Variants in DPP10 observed in about 807,000 individuals in gnomAD.
DPP10 encodes dipeptidyl peptidase like 10, also known as inactive dipeptidyl peptidase 10.
A neutral mutation model predicts 120.9 loss-of-function variants in DPP10; 33 were observed. The ratio of observed to expected loss-of-function variants is 0.27; its 90% CI spans 0.21 to 0.37. The LOEUF (loss-of-function observed/expected upper bound fraction) is 0.37, where lower values mean the gene tolerates loss of function less well. DPP10 is among the 10% of genes least tolerant of loss of function. The probability of loss-of-function intolerance (pLI) is 1.00; values close to 1 mark genes in which losing one functional copy is unlikely to be tolerated. For missense variants in DPP10, 816 were observed against 942.8 expected (o/e 0.87, Z 1.76); for synonymous variants, 337 against 326.1 (o/e 1.03, Z -0.36).
At chr2:114,885,867 A>G (rs757925406) in intron 1 of DPP10, among the ~76,000 whole-genome samples, 122 of 152,212 alleles carry the variant, frequency 8.0e-4, no homozygotes, top group Non-Finnish European at 2.9e-4. Flanking sequence ...CAAGCAAATT[A>G]TTTTAACATT....
intron 16 of DPP10, among the ~76,000 whole-genome samples, chr2:115,781,894 T>C (rs553090543): frequency 6.6e-6 from 1 of 152,196 alleles, no homozygotes; most frequent in African/African-American, 2.4e-5. Flanking sequence ...TAATATATAG[T>C]TACCACCCAA....
rs201098552 is a variant in DPP10 at position 115,028,005 on chromosome 2, A to C, written c.61-281234A>C. ...TAATTGGGTCTACTCTTTTAATCTTAGTATAGTTATAGGTTTGTTGATTTT... is the reference window on the plus strand; with the variant it reads ...TAATTGGGTCTACTCTTTTAATCTTCGTATAGTTATAGGTTTGTTGATTTT... On this transcript the variant is annotated intron_variant, in intron 1 of 25. Transcript: ENST00000410059. Among the ~76,000 whole-genome samples, 15 of 152,004 alleles carry C rather than the reference A, an allele frequency of 9.9e-5. No individual in the cohort carries two copies. In the East Asian group the frequency reaches 2.5e-3, roughly 25 times the overall value.
rs372425507 is a variant in DPP10, at chr2:115,380,151, G to T, written c.271+36239G>T. On this transcript the variant is annotated intron_variant, in intron 3 of 25. Transcript: ENST00000410059. ...TGATCTGTCTAATGTTGACAGTGGG[G>T]TGTTAAAGTCTCTCATTATTAATGT... is the stretch of plus-strand genomic sequence containing the variant. Among the ~76,000 whole-genome samples, 27 of 152,210 alleles carry T rather than the reference G, an allele frequency of 1.8e-4. No individual in the cohort carries two copies. The East Asian group carries it at 3.7e-3, about 21-fold the overall frequency.
At chr2:115,568,553 C>CTT (rs11404230) in intron 5 of DPP10, among the ~76,000 whole-genome samples, 8,080 of 147,688 alleles carry the variant, frequency 0.055, 274 homozygotes, top group African/African-American at 0.088. Context: ...TGAGGTTGAT[C>CTT]TTTTTTTTTT....
intron 5 of DPP10, among the ~76,000 whole-genome samples, chr2:115,682,246 T>C (rs965701730): frequency 6.6e-6 from 1 of 151,966 alleles, no homozygotes; most frequent in African/African-American, 2.4e-5. Context: ...TTTCAAATGA[T>C]GATAAGTAGA....
intron 1 of DPP10, among the ~76,000 whole-genome samples, chr2:115,073,223 C>A (rs1299256460): frequency 1.3e-5 from 2 of 152,334 alleles, no homozygotes; most frequent in East Asian, 3.9e-4. Flanking sequence ...CAAAAGAATA[C>A]ATTCCGAAGA....
At chr2:115,377,667 A>G (rs1196537259) in intron 3 of DPP10, among the ~76,000 whole-genome samples, 1 of 152,124 alleles carries the variant, frequency 6.6e-6, no homozygotes, top group Non-Finnish European at 1.5e-5. Context: ...GTTTTCTTCT[A>G]GGGTTTTTAT....
At position 114,476,342 on chromosome 2, in the gene DPP10, A is replaced by G. The variant is rs115138835; in HGVS notation, c.60+33504A>G. Among the ~76,000 whole-genome samples the G allele has an allele frequency of 9.1e-3, 1,393 of 152,318 alleles. 15 individuals are homozygous for G. The highest frequency in any genetic ancestry group is 0.032 in the African/African-American group (1,312 of 41,574). On this transcript the variant is annotated intron_variant, in intron 1 of 25. Transcript: ENST00000410059. ...TATGACAATACTCTGTGATATCCCT[A>G]TCTTCAAGTACAAAGTAGGCAAGGA... is the stretch of plus-strand genomic sequence containing the variant.
intron 1 of DPP10, chr2:115,050,128 G>C (rs1460666626): frequency 2.0e-5 from 3 of 152,068 alleles, no homozygotes; most frequent in Non-Finnish European, 4.4e-5. Flanking sequence ...CAAAAATCTT[G>C]TCTAATTTGA....
At position 114,780,907 on chromosome 2, in the gene DPP10, T is replaced by C. The variant is rs1344738304; in HGVS notation, c.60+338069T>C. Among the ~76,000 whole-genome samples, 5 of 152,260 alleles carry C rather than the reference T, an allele frequency of 3.3e-5. No individual in the cohort carries two copies. The East Asian group carries it at 9.6e-4, about 29-fold the overall frequency. On this transcript the variant is annotated intron_variant, in intron 1 of 25. Transcript: ENST00000410059. ...CAATCTGATTGGGAAGATTATTCTATTGAATATCATTTGTCAGTTACTGTG... is the reference window on the plus strand; with the variant it reads ...CAATCTGATTGGGAAGATTATTCTACTGAATATCATTTGTCAGTTACTGTG...
intron 1 of DPP10, among the ~76,000 whole-genome samples, chr2:115,286,526 A>ATATATATATATATATATATATATATT: frequency 1.6e-5 from 1 of 60,954 alleles, no homozygotes; most frequent in Non-Finnish European, 3.3e-5. Flanking sequence ...ATATATATAT[A>ATATATATATATATATATATATATATT]ATATATATAT....
intron 1 of DPP10, among the ~76,000 whole-genome samples, chr2:114,556,938 A>C: frequency 6.6e-6 from 1 of 151,794 alleles, no homozygotes; most frequent in East Asian, 1.9e-4. Flanking sequence ...GACCAAAACC[A>C]ACTGGAGTGG....
chr2:115,119,298 A>T (rs1282856057), intron 1 of DPP10, among the ~76,000 whole-genome samples: 2 of 152,154 alleles, frequency 1.3e-5, no homozygotes, highest in African/African-American at 4.8e-5. Flanking sequence ...GCCTGAACCC[A>T]CTTGCTCAAG....
At chr2:114,572,288 A>G (rs897024181) in intron 1 of DPP10, among the ~76,000 whole-genome samples, 3 of 152,198 alleles carry the variant, frequency 2.0e-5, no homozygotes, top group Non-Finnish European at 4.4e-5. Flanking sequence ...TATAGAATGT[A>G]AGGTGTTACC....
chr2:115,158,728 G>A (rs75467559), intron 1 of DPP10, among the ~76,000 whole-genome samples: 8,479 of 152,216 alleles, frequency 0.056, 353 homozygotes, highest in East Asian at 0.24. Context: ...TAAAATGTAT[G>A]CTTGTCCATG....
At chr2:115,227,766 G>A (rs1337752678) in intron 1 of DPP10, among the ~76,000 whole-genome samples, 1 of 152,084 alleles carries the variant, frequency 6.6e-6, no homozygotes, top group Non-Finnish European at 1.5e-5. Context: ...TTTTAATGCA[G>A]AATAGTATCC....
rs572360154 is a variant in DPP10 at position 114,977,221 on chromosome 2, G to A, written c.61-332018G>A. On this transcript the variant is annotated intron_variant, in intron 1 of 25. Coordinates refer to ENST00000410059, the MANE Select transcript of DPP10 (RefSeq NM_020868.6). ...TCTGTTGTTTTATATTTTGTGTGTT[G>A]TGATCCTCTCAACACACACCCTACC... is the stretch of plus-strand genomic sequence containing the variant. Among the ~76,000 whole-genome samples the A allele has an allele frequency of 5.3e-5, 8 of 151,902 alleles. No homozygotes were observed. The South Asian group carries it at 1.7e-3, about 32-fold the overall frequency.
intron 8 of DPP10, among the ~76,000 whole-genome samples, chr2:115,731,740 A>T (rs1301815449): frequency 1.3e-5 from 2 of 152,104 alleles, no homozygotes; most frequent in Non-Finnish European, 2.9e-5. Context: ...AAATTGTCAG[A>T]CTTCAGTGAT....
chr2:115,538,356 G>A (rs1000463291), intron 5 of DPP10, among the ~76,000 whole-genome samples: 10 of 151,902 alleles, frequency 6.6e-5, no homozygotes, highest in African/African-American at 2.4e-4. Context: ...TCCATGGATC[G>A]ATCAGAAACC....
Sources: allele counts gnomAD v4.1 joint callset (sites outside exome capture counted in the v4.1 genomes callset), GRCh38; gene constraint gnomAD v4.1.1; transcripts MANE v1.5; gene names NCBI Gene and HGNC (gene_info 2026-07-23, HGNC 2026-07-21).